Variants in CCDC178 observed in about 807,000 individuals in gnomAD.
CCDC178 encodes the protein coiled-coil domain-containing protein 178.
In CCDC178, 126 loss-of-function variants were observed where a neutral mutation model predicts 117.4. The ratio of observed to expected loss-of-function variants is 1.07; its 90% CI spans 0.93 to 1.24. CCDC178 has a LOEUF of 1.24. Ranked by LOEUF, CCDC178 falls within the 50% of genes most tolerant of loss-of-function variation. The pLI is 0.00. For synonymous variants in CCDC178, 283 were observed against 313.4 expected (o/e 0.90, Z 1.02); for missense variants, 1,030 against 986.9 (o/e 1.04, Z -0.59).
intron 2 of CCDC178, among the ~76,000 whole-genome samples, chr18:33,418,426 A>T (rs2063976269): frequency 6.6e-6 from 1 of 152,200 alleles, no homozygotes; most frequent in Non-Finnish European, 1.5e-5. Flanking sequence ...CTTGAGAACC[A>T]GAAAAAGACA....
intron 5 of CCDC178, among the ~76,000 whole-genome samples, chr18:33,388,820 G>A (rs923319551): frequency 6.6e-6 from 1 of 152,092 alleles, no homozygotes; most frequent in Admixed American, 6.5e-5. Context: ...AAAAAGGAAC[G>A]AGATCATGTC....
At chr18:33,187,018 A>T (rs2058802430) in intron 20 of CCDC178, among the ~76,000 whole-genome samples, 1 of 145,892 alleles carries the variant, frequency 6.9e-6, no homozygotes, top group Admixed American at 6.7e-5. Flanking sequence ...ACAGTTCTGC[A>T]TGGCTGGGGA....
chr18:33,293,142 T>G lies in CCDC178; in HGVS notation c.1176+17A>C. The G allele has an allele frequency of 6.7e-7, 1 of 1,489,646 alleles. No individual in the cohort carries two copies. Among genetic ancestry groups the G allele is most frequent in the Non-Finnish European group, 9.1e-7 (1 of 1,097,590 alleles). The allele number at this position is 1,489,646 out of a possible 1,614,324, so 92.3% of individuals were successfully genotyped here. A position where few individuals can be genotyped will look rare whatever the true frequency, so the allele number is the denominator to read the frequency against. On this transcript the variant is annotated intron_variant, in intron 12 of 22. Transcript: ENST00000383096. ...AACAAAAATCAGTATTTTTTATTTC[T>G]AATATGAAAAACTCACCATTTTTGA...
At chr18:33,439,106 T>C (rs2064338218) in intron 2 of CCDC178, among the ~76,000 whole-genome samples, 1 of 152,244 alleles carries the variant, frequency 6.6e-6, no homozygotes, top group Non-Finnish European at 1.5e-5. Flanking sequence ...TTCTAGATTT[T>C]CTTTATAGGT....
intron 20 of CCDC178, among the ~76,000 whole-genome samples, chr18:33,158,827 A>T (rs2058430993): frequency 6.6e-6 from 1 of 152,116 alleles, no homozygotes; most frequent in Non-Finnish European, 1.5e-5. Flanking sequence ...AGTGAAGATA[A>T]TAAATTGGAA....
chr18:33,205,843 T>A (rs1168300783), intron 20 of CCDC178, among the ~76,000 whole-genome samples: 1 of 152,176 alleles, frequency 6.6e-6, no homozygotes, highest in Non-Finnish European at 1.5e-5. Context: ...TATAGGCCCA[T>A]GCCACCACAC....
intron 16 of CCDC178, among the ~76,000 whole-genome samples, 172 bp from the exon 17 acceptor site, chr18:33,225,108 CATATATTAT>C (rs2144631721): frequency 6.7e-6 from 1 of 149,666 alleles, no homozygotes; most frequent in Admixed American, 6.8e-5. Flanking sequence ...TATTATATTA[CATATATTAT>C]AATATCCAAA....
intron 21 of CCDC178, among the ~76,000 whole-genome samples, chr18:33,021,967 A>G (rs183849525): frequency 5.3e-5 from 8 of 152,312 alleles, no homozygotes; most frequent in Admixed American, 2.0e-4. Flanking sequence ...ATGTTCTAAA[A>G]GCAATAGGTA....
chr18:33,090,004 C>T (rs981186030), intron 21 of CCDC178, among the ~76,000 whole-genome samples: 3 of 152,086 alleles, frequency 2.0e-5, no homozygotes, highest in African/African-American at 7.2e-5. Flanking sequence ...GCTTTTGCCT[C>T]TTTCTGATTT....
rs201180419 is a variant in CCDC178, at chr18:32,987,794, TA to T, written c.2389-13114del. Among the ~76,000 whole-genome samples the T allele has an allele frequency of 3.6e-3, 549 of 152,276 alleles. 4 individuals are homozygous for T. The highest frequency in any genetic ancestry group is 0.013 in the African/African-American group (526 of 41,566). ...CTATATCTCCTTAGACATTTATGAG[TA>T]AAGTTAAAAATAATACATTTGGCTG... On this transcript the variant is annotated intron_variant, in intron 21 of 22. Coordinates refer to ENST00000383096, the MANE Select transcript of CCDC178 (RefSeq NM_001105528.4).
intron 10 of CCDC178, among the ~76,000 whole-genome samples, chr18:33,327,937 T>C (rs979943768): frequency 6.6e-6 from 1 of 152,098 alleles, no homozygotes. Flanking sequence ...CAATGTTTTC[T>C]TTCATTCTAT....
intron 21 of CCDC178, 34 bp downstream of exon 21, chr18:33,092,727 A>ATC (rs768778525): frequency 2.0e-5 from 30 of 1,475,408 alleles, no homozygotes; most frequent in Non-Finnish European, 2.7e-5. Context: ...TATGACATAA[A>ATC]TCATCACCTT....
At chr18:33,318,830 G>A (rs769912474) in intron 11 of CCDC178, among the ~76,000 whole-genome samples, 3 of 151,922 alleles carry the variant, frequency 2.0e-5, no homozygotes, top group Non-Finnish European at 2.9e-5. Flanking sequence ...AAAGTCAAAT[G>A]GTCAGCTTCC....
chr18:33,023,292 G>A (rs993672917), intron 21 of CCDC178, among the ~76,000 whole-genome samples: 7 of 152,158 alleles, frequency 4.6e-5, no homozygotes, highest in African/African-American at 1.7e-4. Flanking sequence ...ATGTGTTTAA[G>A]TACCCATGGA....
At chr18:33,398,526 GA>G (rs1332265818) in intron 3 of CCDC178, among the ~76,000 whole-genome samples, 1 of 152,160 alleles carries the variant, frequency 6.6e-6, no homozygotes, top group Non-Finnish European at 1.5e-5. Flanking sequence ...GATAAATTAT[GA>G]TGTCTCTCTC....
At chr18:33,078,531 C>A (rs1347053743) in intron 21 of CCDC178, among the ~76,000 whole-genome samples, 1 of 152,146 alleles carries the variant, frequency 6.6e-6, no homozygotes, top group Non-Finnish European at 1.5e-5. Context: ...ATTTAGGAAA[C>A]CCCGTAGTCT....
At chr18:33,291,747 G>A (rs1400162529) in intron 12 of CCDC178, among the ~76,000 whole-genome samples, 2 of 152,086 alleles carry the variant, frequency 1.3e-5, no homozygotes, top group African/African-American at 4.8e-5. Flanking sequence ...TAGAGATGAA[G>A]AGAACAAACA....
intron 12 of CCDC178, among the ~76,000 whole-genome samples, chr18:33,286,897 T>TA (rs1458536218): frequency 1.3e-5 from 2 of 152,296 alleles, no homozygotes; most frequent in East Asian, 3.9e-4. Context: ...ATTATTTTCT[T>TA]AAAAAATATT....
intron 9 of CCDC178, among the ~76,000 whole-genome samples, chr18:33,333,684 G>T (rs1196524163): frequency 6.6e-6 from 1 of 151,410 alleles, no homozygotes; most frequent in Non-Finnish European, 1.5e-5. Flanking sequence ...GGCTAATTTT[G>T]TATTTTTAGT....
Sources: allele counts gnomAD v4.1 joint callset (sites outside exome capture counted in the v4.1 genomes callset), GRCh38; gene constraint gnomAD v4.1.1; transcripts MANE v1.5; gene names NCBI Gene and HGNC (gene_info 2026-07-23, HGNC 2026-07-21).